MS4A14: variants seen among roughly 807,000 people sequenced by gnomAD.
The protein encoded by MS4A14 is membrane-spanning 4-domains subfamily A member 14.
MS4A14 carries 18 observed loss-of-function variants against 16.7 expected under a neutral mutation model. The ratio of observed to expected loss-of-function variants is 1.08; its 90% confidence interval spans 0.75 to 1.60. The LOEUF (loss-of-function observed/expected upper bound fraction) is 1.60, where lower values mean the gene tolerates loss of function less well. MS4A14 is among the 40% of genes most tolerant of loss of function. The pLI, the probability that MS4A14 is intolerant of heterozygous loss-of-function variation, is 0.00. For missense variants in MS4A14, 812 were observed against 775.3 expected (o/e 1.05, Z -0.56); for synonymous variants, 305 against 289.4 (o/e 1.05, Z -0.55).
At chr11:60,412,905 A>G (rs2085888170) in intron 4 of MS4A14, among the ~76,000 whole-genome samples, 1 of 151,922 alleles carries the variant, frequency 6.6e-6, no homozygotes, top group Non-Finnish European at 1.5e-5. Flanking sequence ...TTTTGGTTGG[A>G]ATTGTACTGA....
In MS4A14 at chr11:60,415,975, C is replaced by T; in HGVS notation, c.1007C>T (p.Pro336Leu). 6.2e-7 allele frequency: 1 copy of T among 1,613,930 alleles called. No homozygotes were observed. The highest frequency in any genetic ancestry group is 1.1e-5 in the South Asian group (1 of 91,076). The change falls in exon 5 of 5, where the codon CCA (proline) becomes CTA (leucine). Residue 336 changes from proline (P) to leucine (L), a missense_variant. Coordinates refer to ENST00000300187, the MANE Select transcript of MS4A14 (RefSeq NM_032597.5). ...PVEGLSEQTMPSKSTSSHVKQ... is the reference protein window; with the variant it reads ...PVEGLSEQTMLSKSTSSHVKQ... The stretch of plus-strand genomic sequence containing the variant: ...GAAGGCCTGTCAGAACAAACCATGC[C>T]ATCTAAGTCTACATCATCCCATGTC...
At chr11:60,405,864 AT>A in intron 4 of MS4A14, 1 of 1,467,664 alleles carries the variant, frequency 6.8e-7, no homozygotes, top group Non-Finnish European at 9.2e-7. Flanking sequence ...TTCAAATACC[AT>A]TTATTTCTCC....
Position 60,414,554 on chromosome 11 carries a change from A to G in MS4A14, c.469-883A>G, listed in dbSNP as rs754319305. On this transcript the variant is annotated intron_variant, in intron 4 of 4. Transcript: ENST00000300187. Reference sequence around the variant, plus strand: ...AGCAGCAGGTTGTGCTGCAGTAACAACCTCCTAAAAATTATAATAATAAAA... The same window carrying G: ...AGCAGCAGGTTGTGCTGCAGTAACAGCCTCCTAAAAATTATAATAATAAAA... Among the ~76,000 whole-genome samples the G allele has an allele frequency of 1.3e-5, 2 of 152,052 alleles. 1 individual carries two copies. Among genetic ancestry groups the G allele is most frequent in the South Asian group, 4.1e-4 (2 of 4,830 alleles).
intron 4 of MS4A14, among the ~76,000 whole-genome samples, chr11:60,411,522 G>A (rs1467855602): frequency 6.6e-6 from 1 of 152,096 alleles, no homozygotes; most frequent in Non-Finnish European, 1.5e-5. Flanking sequence ...TATTTTAGGT[G>A]GCATTATAAA....
chr11:60,410,680 A>G (rs1799734012), intron 4 of MS4A14, among the ~76,000 whole-genome samples: 1 of 152,134 alleles, frequency 6.6e-6, no homozygotes, highest in Non-Finnish European at 1.5e-5. Context: ...TTCCAGCATC[A>G]TATGTTGAAA....
Position 60,416,475 on chromosome 11 carries a change from T to C in MS4A14, c.1507T>C (p.Leu503=), listed in dbSNP as rs1393026085. ...KALQYLRRHS[L]DVQAKGQKSS... ...CTTGCAATACTTAAGGAGACATTCT[T>C]TAGACGTGCAAGCCAAAGGCCAGAA... Residue 503 remains leucine (L), a synonymous_variant, in exon 5 of 5, where the codon TTA becomes CTA. Coordinates refer to ENST00000300187, the MANE Select transcript of MS4A14 (RefSeq NM_032597.5). 3 of 1,613,956 alleles carry C rather than the reference T, an allele frequency of 1.9e-6. No individual in the cohort carries two copies. The highest frequency in any genetic ancestry group is 2.5e-6 in the Non-Finnish European group (3 of 1,179,964).
At chr11:60,406,708 T>C (rs2085791180) in intron 4 of MS4A14, among the ~76,000 whole-genome samples, 2 of 152,190 alleles carry the variant, frequency 1.3e-5, no homozygotes, top group Non-Finnish European at 2.9e-5. Flanking sequence ...AGAAGTATCA[T>C]TTATAAACAA....
intron 4 of MS4A14, among the ~76,000 whole-genome samples, chr11:60,409,104 G>A (rs1029021368): frequency 1.3e-5 from 2 of 152,104 alleles, no homozygotes; most frequent in Non-Finnish European, 2.9e-5. Context: ...TCAAATCATG[G>A]TAATTACCAC....
Position 60,397,836 on chromosome 11 carries a change from A to G in MS4A14, c.139-16A>G, listed in dbSNP as rs1565172389. ...TGGATACTTGTAACCTCATGTACCC[A>G]TTTCTCTCCTCACAGGCTACCCAGA... On this transcript the variant is annotated splice_polypyrimidine_tract_variant and intron_variant, in intron 1 of 4. Coordinates refer to ENST00000300187, the MANE Select transcript of MS4A14 (RefSeq NM_032597.5). 1 of 1,610,748 alleles carries G rather than the reference A, an allele frequency of 6.2e-7. No homozygotes were observed. The highest frequency in any genetic ancestry group is 2.2e-5 in the East Asian group (1 of 44,688).
intron 2 of MS4A14, among the ~76,000 whole-genome samples, chr11:60,398,410 C>G (rs1350217918): frequency 3.3e-5 from 5 of 152,130 alleles, no homozygotes; most frequent in Admixed American, 3.3e-4. Flanking sequence ...TTCTTAGCCC[C>G]AGAGACAACT....
At chr11:60,400,888 CA>C (rs767593999) in intron 3 of MS4A14, among the ~76,000 whole-genome samples, 1 of 152,118 alleles carries the variant, frequency 6.6e-6, no homozygotes, top group Non-Finnish European at 1.5e-5. Flanking sequence ...AATTATCCAA[CA>C]AAAAATGTTT....
chr11:60,413,360 A>G (rs1482334210), intron 4 of MS4A14, among the ~76,000 whole-genome samples: 2 of 110,542 alleles, frequency 1.8e-5, no homozygotes, highest in Non-Finnish European at 4.0e-5. Context: ...ACAATGTTTA[A>G]AATAAGTGAT....
In MS4A14 at chr11:60,415,848, C is replaced by T. The variant is rs1344643532; in HGVS notation, c.880C>T (p.Leu294=). The change falls in exon 5 of 5, where the codon CTG becomes TTG. Residue 294 remains leucine (L), a synonymous_variant. Coordinates refer to ENST00000300187, the MANE Select transcript of MS4A14 (RefSeq NM_032597.5). ...ACCTTCTCAAATGCAAACCAAGCTT[C>T]TGCAGGACCAAGCTGCGTCACTCCA... ...VQPSQMQTKL[L]QDQAASLQVF... The T allele has an allele frequency of 1.2e-6, 2 of 1,613,912 alleles. No individual in the cohort carries two copies. Among genetic ancestry groups the T allele is most frequent in the Non-Finnish European group, 1.7e-6 (2 of 1,179,928 alleles).
intron 4 of MS4A14, among the ~76,000 whole-genome samples, chr11:60,404,253 T>G (rs1184451340): frequency 6.6e-6 from 1 of 152,232 alleles, no homozygotes; most frequent in African/African-American, 2.4e-5. Context: ...TACAGAACCA[T>G]GAACAATCTC....
At chr11:60,405,709 G>T (rs887751799) in intron 4 of MS4A14, among the ~76,000 whole-genome samples, 1 of 152,122 alleles carries the variant, frequency 6.6e-6, no homozygotes, top group Non-Finnish European at 1.5e-5. Flanking sequence ...ATTGGAGTTT[G>T]TTATCCCTGC....
rs756089884 is a variant in MS4A14, at chr11:60,396,711, T to C, written c.133T>C (p.Leu45=). ...TTTTCTGAAGGGAGAGCCAAGAGTC[T>C]TGGGGGTAAGTCCTCTCCAGTCAAT... The part of the protein sequence containing the change: ...LDFLKGEPRV[L]GATQILLALI... The change falls in exon 1 of 5, where the codon TTG becomes CTG. Residue 45 remains leucine, a synonymous_variant. Transcript: ENST00000300187. The C allele has an allele frequency of 1.2e-6, 2 of 1,613,602 alleles. No homozygotes were observed.
Position 60,396,666 on chromosome 11 carries a change from C to T in MS4A14, c.88C>T (p.Pro30Ser), listed in dbSNP as rs200017443. 2.1e-5 allele frequency: 34 copies of T among 1,613,952 alleles called. No homozygotes were observed. Among genetic ancestry groups the T allele is most frequent in the Non-Finnish European group, 2.7e-5 (32 of 1,179,958 alleles). Reference sequence around the variant, plus strand: ...TGTATTGACTGCATTTCCCTACAGACCTCATAGCTCTCTGCTGGATTTTCT... The same window carrying T: ...TGTATTGACTGCATTTCCCTACAGATCTCATAGCTCTCTGCTGGATTTTCT... ...ETVLTAFPYR[P>S]HSSLLDFLKG... The change falls in exon 1 of 5, where the codon CCT (proline) becomes TCT (serine). Residue 30 changes from proline (P) to serine (S), a missense_variant. Transcript: ENST00000300187.
intron 4 of MS4A14, among the ~76,000 whole-genome samples, chr11:60,403,324 CATA>C (rs139727865): frequency 0.015 from 2,275 of 152,190 alleles, 54 homozygotes; most frequent in African/African-American, 0.05. Flanking sequence ...GGAAAATGAA[CATA>C]ATGAGAATGC....
intron 2 of MS4A14, among the ~76,000 whole-genome samples, chr11:60,400,201 G>A (rs1427034170): frequency 1.1e-4 from 16 of 152,110 alleles, no homozygotes; most frequent in African/African-American, 2.4e-4. Flanking sequence ...GGCAGAGAGC[G>A]CTTGTTCAGT....
Sources: gnomAD v4.1 joint callset for allele counts (sites outside exome capture counted in the v4.1 genomes callset) on GRCh38, gnomAD v4.1.1 for gene constraint, MANE v1.5 for transcripts, NCBI Gene and HGNC (gene_info 2026-07-23, HGNC 2026-07-21) for gene names.